KAZN: variants seen among roughly 807,000 people sequenced by gnomAD.
KAZN encodes kazrin, periplakin interacting protein, also known as kazrin.
KAZN carries 40 observed loss-of-function variants against 87.4 expected under a neutral mutation model. The observed-to-expected ratio is 0.46, with a 90% CI of 0.36 to 0.60. The LOEUF (loss-of-function observed/expected upper bound fraction) is 0.60, where lower values mean the gene tolerates loss of function less well. Among genes scored for constraint, KAZN ranks in the 20% least tolerant of loss-of-function variants. The probability of loss-of-function intolerance (pLI) is 0.00; values close to 1 mark genes in which losing one functional copy is unlikely to be tolerated. For synonymous variants in KAZN, 466 were observed against 458.3 expected (o/e 1.02, Z -0.22); for missense variants, 898 against 1,073.9 (o/e 0.84, Z 2.29).
At chr1:14,308,461 G>T (rs1405990107) in intron 2 of KAZN, among the ~76,000 whole-genome samples, 1 of 152,190 alleles carries the variant, frequency 6.6e-6, no homozygotes. Context: ...AGTAAAAACA[G>T]GTGGATCTGG....
At chr1:14,128,948 A>C (rs747385779) in intron 1 of KAZN, among the ~76,000 whole-genome samples, 5 of 152,184 alleles carry the variant, frequency 3.3e-5, no homozygotes, top group Non-Finnish European at 7.4e-5. Flanking sequence ...AATTGCCTTA[A>C]CAGAAGCCAT....
rs149752346 is a variant in KAZN, at chr1:14,646,622, G to T, written c.226+47399G>T. ...GGGGCTGTCCTATGCCTTGTAGGGGGCTTATAGCATCCCTGGCCTCTACCC... is the reference window on the plus strand; with the variant it reads ...GGGGCTGTCCTATGCCTTGTAGGGGTCTTATAGCATCCCTGGCCTCTACCC... On this transcript the variant is annotated intron_variant, in intron 1 of 14. Transcript: ENST00000376030. Among the ~76,000 whole-genome samples the T allele has an allele frequency of 6.7e-3, 1,022 of 152,132 alleles. 15 individuals are homozygous for T. The highest frequency in any genetic ancestry group is 0.023 in the African/African-American group (972 of 41,484).
chr1:13,932,995 A>AC lies in KAZN; in HGVS notation c.91+39242dup, dbSNP rs1336623148. On this transcript the variant is annotated intron_variant, in intron 1 of 16. Coordinates refer to the KAZN transcript ENST00000636203. ...AAAATACTACAGAGAATTCCTACAC[A>AC]CCCTTCATCCTATTCCCTATTTCCC... Among the ~76,000 whole-genome samples the AC allele has an allele frequency of 2.6e-5, 4 of 152,248 alleles. No individual in the cohort carries two copies. In the East Asian group the frequency reaches 7.7e-4, roughly 29 times the overall value.
intron 1 of KAZN, among the ~76,000 whole-genome samples, chr1:14,900,614 T>A (rs1173136341): frequency 6.6e-6 from 1 of 151,828 alleles, no homozygotes; most frequent in Non-Finnish European, 1.5e-5. Flanking sequence ...ATTAGCCAGG[T>A]GTGGTGGCAG....
At chr1:15,064,391 A>C (rs746763006) in intron 7 of KAZN, among the ~76,000 whole-genome samples, 1 of 152,186 alleles carries the variant, frequency 6.6e-6, no homozygotes, top group Non-Finnish European at 1.5e-5. Context: ...GAAATCCCTA[A>C]GTGTTTGGGG....
At chr1:14,736,694 A>G (rs1172622179) in intron 1 of KAZN, among the ~76,000 whole-genome samples, 1 of 152,042 alleles carries the variant, frequency 6.6e-6, no homozygotes, top group African/African-American at 2.4e-5. Context: ...ACTGGCTAAG[A>G]CAGTTCTATA....
chr1:14,259,115 G>A (rs911782613), intron 2 of KAZN, among the ~76,000 whole-genome samples: 5 of 151,918 alleles, frequency 3.3e-5, no homozygotes, highest in South Asian at 2.1e-4. Context: ...CACAAAGGCC[G>A]ATGGTTTCTG....
intron 2 of KAZN, among the ~76,000 whole-genome samples, chr1:14,968,092 A>G (rs1359210635): frequency 5.3e-5 from 8 of 152,100 alleles, no homozygotes; most frequent in East Asian, 1.9e-4. Flanking sequence ...ATATATAGTG[A>G]AATAATTATA....
chr1:14,962,083 G>A (rs1663937343), intron 2 of KAZN, among the ~76,000 whole-genome samples: 1 of 152,258 alleles, frequency 6.6e-6, no homozygotes, highest in South Asian at 2.1e-4. Flanking sequence ...GTAAAAGAGA[G>A]AATGGATTTT....
chr1:14,184,288 CCTT>C lies in KAZN; in HGVS notation c.249+3699_249+3701del, dbSNP rs900966114. Among the ~76,000 whole-genome samples the C allele has an allele frequency of 2.0e-5, 3 of 152,014 alleles. No homozygotes were observed. The highest frequency in any genetic ancestry group is 6.5e-5 in the Admixed American group (1 of 15,268). On this transcript the variant is annotated intron_variant, in intron 2 of 16. Transcript: ENST00000636203. The surrounding 1 kb of genome is among the most constrained non-coding windows in gnomAD (Gnocchi z 4.2). ...CTCTCCTCCTCCCCTCCTATTTTCTCCTTCTCTCAAATCTATTCCCCTCCTCCC... is the reference window on the plus strand; with the variant it reads ...CTCTCCTCCTCCCCTCCTATTTTCTCCTCTCAAATCTATTCCCCTCCTCCC...
At chr1:14,990,328 T>C (rs1220137542) in intron 2 of KAZN, among the ~76,000 whole-genome samples, 1 of 152,164 alleles carries the variant, frequency 6.6e-6, no homozygotes, top group Non-Finnish European at 1.5e-5. Context: ...GCTCAAGCAG[T>C]TCTCCCACCT....
chr1:14,650,665 A>G (rs1381162861), intron 1 of KAZN, among the ~76,000 whole-genome samples: 2 of 152,260 alleles, frequency 1.3e-5, no homozygotes, highest in East Asian at 1.9e-4. Context: ...GAAAAATCCA[A>G]CTAACATGGA....
intron 2 of KAZN, among the ~76,000 whole-genome samples, chr1:14,405,906 G>A (rs997215567): frequency 1.3e-5 from 2 of 152,084 alleles, no homozygotes; most frequent in Non-Finnish European, 2.9e-5. Context: ...CAAGGAATTG[G>A]ATGAGGCCTG....
At chr1:14,300,093 G>C (rs999345479) in intron 2 of KAZN, among the ~76,000 whole-genome samples, 1 of 152,112 alleles carries the variant, frequency 6.6e-6, no homozygotes, top group African/African-American at 2.4e-5. Context: ...TGCTGTGGCA[G>C]GAAAGTGTTT....
chr1:14,261,632 C>T (rs751234318), intron 2 of KAZN, among the ~76,000 whole-genome samples: 2 of 152,170 alleles, frequency 1.3e-5, no homozygotes, highest in Non-Finnish European at 1.5e-5. Flanking sequence ...ATCATGCTGA[C>T]ATTTGGGGGT....
intron 1 of KAZN, among the ~76,000 whole-genome samples, chr1:13,967,515 G>A (rs745837879): frequency 6.6e-5 from 10 of 152,148 alleles, no homozygotes; most frequent in Non-Finnish European, 1.2e-4. Flanking sequence ...CAGAGGCCTG[G>A]GGGTCAGACT....
chr1:14,088,756 T>C (rs977646538), intron 1 of KAZN, among the ~76,000 whole-genome samples: 1 of 152,024 alleles, frequency 6.6e-6, no homozygotes, highest in African/African-American at 2.4e-5. Flanking sequence ...TAATTAGATA[T>C]GTCTAGTTCT....
At chr1:14,494,634 A>T (rs1241263751) in intron 2 of KAZN, among the ~76,000 whole-genome samples, 1 of 152,156 alleles carries the variant, frequency 6.6e-6, no homozygotes, top group Non-Finnish European at 1.5e-5. Context: ...TGCCAACATT[A>T]GGTGTAATAG....
chr1:15,092,519 T>G (rs1640601455), intron 8 of KAZN, among the ~76,000 whole-genome samples: 2 of 152,262 alleles, frequency 1.3e-5, no homozygotes, highest in South Asian at 4.2e-4. Flanking sequence ...TCACCCAGGC[T>G]GGAGTACAGT....
Sources: gnomAD v4.1 joint callset for allele counts (sites outside exome capture counted in the v4.1 genomes callset) on GRCh38, gnomAD v4.1.1 for gene constraint, Gnocchi (gnomAD v3.1) non-coding constraint, MANE v1.5 for transcripts, NCBI Gene and HGNC (gene_info 2026-07-23, HGNC 2026-07-21) for gene names.